Variants in ONECUT3 observed in about 807,000 individuals in gnomAD.
The protein encoded by ONECUT3 is one cut homeobox 3, also known as one cut domain family member 3.
In ONECUT3, 11 loss-of-function variants were observed where a neutral mutation model predicts 16.8. That is an observed-to-expected ratio of 0.66 (90% confidence interval 0.41 to 1.09). ONECUT3 has a LOEUF of 1.09. ONECUT3 is among the 50% of genes least tolerant of loss of function. ONECUT3 has a pLI of 0.00. For missense variants in ONECUT3, 637 were observed against 629.9 expected (o/e 1.01, Z -0.12); for synonymous variants, 344 against 310.7 (o/e 1.11, Z -1.13).
chr19:1,773,226 A>C (rs1600360282), intron 1 of ONECUT3, among the ~76,000 whole-genome samples: 2 of 136,134 alleles, frequency 1.5e-5, no homozygotes, highest in African/African-American at 2.7e-5. Flanking sequence ...TTCCTCCCCC[A>C]CCAAACCATT....
chr19:1,772,860 ATTT>A (rs759006591), intron 1 of ONECUT3, among the ~76,000 whole-genome samples: 14 of 107,210 alleles, frequency 1.3e-4, no homozygotes, highest in African/African-American at 3.5e-4. Flanking sequence ...CGTCCAGCTA[ATTT>A]TTTTTTTTTT....
rs1300302336 is a variant in ONECUT3, at chr19:1,753,891, G to A, written c.229G>A (p.Gly77Ser). The A allele has an allele frequency of 5.1e-6, 5 of 981,154 alleles. No homozygotes were observed. Among genetic ancestry groups the A allele is most frequent in the Middle Eastern group, 5.2e-4 (1 of 1,938 alleles). 60.8% of individuals were successfully genotyped at this position (981,154 alleles called of 1,614,324 possible). The change falls in exon 1 of 2, where the codon GGC becomes AGC. Residue 77 changes from glycine to serine, a missense_variant. Physicochemically the swap from Gly to Ser is moderately conservative, Grantham distance 56. This residue lies in a region of ONECUT3 where 419 missense variants were observed against 377.9 expected (regional missense o/e 1.11). Transcript: ENST00000382349. ...GGGCGGCGCGGGCAGCGCGGGCGGC[G>A]GCGCGGACTTCCGCGGGGAACTGGC... Reference protein sequence around the residue: ...GAGGAGSAGGGADFRGELAGP... With the variant: ...GAGGAGSAGGSADFRGELAGP...
At chr19:1,760,666 G>GC (rs2067941975) in intron 1 of ONECUT3, among the ~76,000 whole-genome samples, 1 of 151,874 alleles carries the variant, frequency 6.6e-6, no homozygotes, top group African/African-American at 2.4e-5. Flanking sequence ...GGTGGGGGGG[G>GC]GCCAGGTCCC....
rs1436210905 is a variant in ONECUT3 at position 1,779,701 on chromosome 19, T to C, written c.*4256T>C. ...GTGGGGGGCGGGGGGCGTGGCCCGG[T>C]TCCGTGTCGCATCTGTGTGTCTGGT... On this transcript the variant is annotated 3_prime_UTR_variant, in exon 2 of 2. Transcript: ENST00000382349. 6.7e-6 allele frequency: 1 copy of C among 149,966 alleles called. No homozygotes were observed. Among genetic ancestry groups the C allele is most frequent in the Non-Finnish European group, 1.5e-5 (1 of 67,410 alleles). 9.3% of individuals were successfully genotyped at this position (149,966 alleles called of 1,614,324 possible). A position where few individuals can be genotyped will look rare whatever the true frequency, so the allele number is the denominator to read the frequency against.
At position 1,755,032 on chromosome 19, in the gene ONECUT3, C is replaced by A. The variant is rs2067909569; in HGVS notation, c.1192+178C>A. 6.6e-6 allele frequency among the ~76,000 whole-genome samples: 1 copy of A among 152,016 alleles called. No individual in the cohort carries two copies. The highest frequency in any genetic ancestry group is 1.5e-5 in the Non-Finnish European group (1 of 67,974). On this transcript the variant is annotated intron_variant, in intron 1 of 1. Transcript: ENST00000382349. The surrounding 1 kb of genome is among the most constrained non-coding windows in gnomAD (Gnocchi z 7.5). ...CGATCCGCGCCGCTGCCCGTTTGTA[C>A]CGTTGCCAAAAGGGAGAAAGGGATT...
At chr19:1,757,133 G>GGA (rs975355740) in intron 1 of ONECUT3, among the ~76,000 whole-genome samples, 4 of 80,192 alleles carry the variant, frequency 5.0e-5, no homozygotes, top group African/African-American at 1.5e-4. Context: ...GAAGTCCCAT[G>GGA]GGGGGGGGGT....
Position 1,753,765 on chromosome 19 carries a change from C to A in ONECUT3, c.103C>A (p.His35Asn). The A allele has an allele frequency of 6.0e-6, 6 of 998,512 alleles. No individual in the cohort carries two copies. The highest frequency in any genetic ancestry group is 7.1e-6 in the Non-Finnish European group (6 of 839,802). The allele number at this position is 998,512 out of a possible 1,614,324, so 61.9% of individuals were successfully genotyped here. ...PGHARSAAAQ[H>N]RGLVAPGRPG... The stretch of plus-strand genomic sequence containing the variant: ...CCACGCGCGCTCGGCGGCGGCGCAG[C>A]ACCGCGGCCTGGTGGCGCCCGGGCG... Residue 35 changes from histidine to asparagine, a missense_variant, in exon 1 of 2, where the codon CAC becomes AAC. By Grantham distance (68) the His-to-Asn change is moderately conservative (BLOSUM62 1). Transcript: ENST00000382349.
chr19:1,774,735 G>C (rs1480189816), intron 1 of ONECUT3, among the ~76,000 whole-genome samples: 2 of 151,372 alleles, frequency 1.3e-5, no homozygotes, highest in East Asian at 2.0e-4. Flanking sequence ...CATGGAGAAG[G>C]GGGCTGGAGG....
At position 1,754,757 on chromosome 19, in the gene ONECUT3, G is replaced by A. The variant is rs754567558; in HGVS notation, c.1095G>A (p.Pro365=). 1 of 1,571,200 alleles carries A rather than the reference G, an allele frequency of 6.4e-7. No individual in the cohort carries two copies. Among genetic ancestry groups the A allele is most frequent in the Non-Finnish European group, 8.6e-7 (1 of 1,161,154 alleles). Residue 365 remains proline (P), a synonymous_variant, in exon 1 of 2, where the codon CCG becomes CCA. Coordinates refer to ENST00000382349, the MANE Select transcript of ONECUT3 (RefSeq NM_001080488.2). The surrounding 1 kb of genome is among the most constrained non-coding windows in gnomAD (Gnocchi z 7.4). ...TLSDLLRNPK[P]WSKLKSGRET... ...CCGACCTGCTGCGCAACCCCAAGCC[G>A]TGGAGCAAGCTCAAATCCGGCCGCG...
Position 1,754,819 on chromosome 19 carries a change from C to T in ONECUT3, c.1157C>T (p.Pro386Leu). 6.5e-7 allele frequency: 1 copy of T among 1,543,030 alleles called. No homozygotes were observed. Among genetic ancestry groups the T allele is most frequent in the Non-Finnish European group, 8.7e-7 (1 of 1,144,468 alleles). ...FRRMWKWLQE[P>L]EFQRMSALRL... Reference sequence around the variant, plus strand: ...AGGATGTGGAAGTGGCTGCAGGAGCCAGAGTTCCAGCGCATGTCGGCGCTG... The same window carrying T: ...AGGATGTGGAAGTGGCTGCAGGAGCTAGAGTTCCAGCGCATGTCGGCGCTG... The change falls in exon 1 of 2, where the codon CCA (proline) becomes CTA (leucine). Residue 386 changes from proline (P) to leucine (L), a missense_variant. Pro to Leu is a moderately conservative substitution (Grantham distance 98). Transcript: ENST00000382349. This position sits in a 1 kb window ranked among gnomAD's most constrained non-coding sequence, Gnocchi z 7.4.
intron 1 of ONECUT3, among the ~76,000 whole-genome samples, chr19:1,772,898 T>C (rs577566813): frequency 1.2e-3 from 176 of 147,752 alleles, no homozygotes; most frequent in Non-Finnish European, 2.1e-3. Flanking sequence ...AGAGACAGGG[T>C]TTCACCGTGT....
chr19:1,774,721 G>C (rs1038951144), intron 1 of ONECUT3, among the ~76,000 whole-genome samples: 4 of 145,776 alleles, frequency 2.7e-5, no homozygotes, highest in Non-Finnish European at 4.5e-5. Flanking sequence ...GCCTGAGTGG[G>C]CTCCATGGAG....
At position 1,754,384 on chromosome 19, in the gene ONECUT3, C is replaced by A; in HGVS notation, c.722C>A (p.Pro241Gln). 2 of 1,101,588 alleles carry A rather than the reference C, an allele frequency of 1.8e-6. No individual in the cohort carries two copies. The highest frequency in any genetic ancestry group is 2.4e-5 in the South Asian group (1 of 42,364). 68.2% of individuals were successfully genotyped at this position (1,101,588 alleles called of 1,614,324 possible). ...PGHLAGDKLL[P>Q]PAAFEPHAAL... is the part of the protein sequence containing the mutation. Reference sequence around the variant, plus strand: ...CACCTGGCTGGGGACAAGCTGCTGCCGCCCGCCGCCTTCGAGCCGCACGCC... The same window carrying A: ...CACCTGGCTGGGGACAAGCTGCTGCAGCCCGCCGCCTTCGAGCCGCACGCC... The change falls in exon 1 of 2, where the codon CCG becomes CAG. Residue 241 changes from proline (P) to glutamine (Q), a missense_variant. This residue lies in a region of ONECUT3 where 419 missense variants were observed against 377.9 expected (regional missense o/e 1.11). Transcript: ENST00000382349. The surrounding 1 kb of genome is among the most constrained non-coding windows in gnomAD (Gnocchi z 7.4).
chr19:1,754,620 G>A lies in ONECUT3; in HGVS notation c.958G>A (p.Glu320Lys). The A allele has an allele frequency of 1.4e-6, 2 of 1,446,006 alleles. No homozygotes were observed. The highest frequency in any genetic ancestry group is 1.8e-6 in the Non-Finnish European group (2 of 1,094,860). The allele number at this position is 1,446,006 out of a possible 1,614,324, so 89.6% of individuals were successfully genotyped here. A position where few individuals can be genotyped will look rare whatever the true frequency, so the allele number is the denominator to read the frequency against. ...GGPSAGAAAEEINTKEVAQRI... is the reference protein window; with the variant it reads ...GGPSAGAAAEKINTKEVAQRI... Reference sequence around the variant, plus strand: ...CCCCAGCGCGGGCGCAGCGGCCGAGGAGATCAACACCAAGGAGGTGGCGCA... The same window carrying A: ...CCCCAGCGCGGGCGCAGCGGCCGAGAAGATCAACACCAAGGAGGTGGCGCA... The change falls in exon 1 of 2, where the codon GAG (glutamate) becomes AAG (lysine). Residue 320 changes from glutamate (E) to lysine (K), a missense_variant. This residue lies in a region of ONECUT3 where 35 missense variants were observed against 63.8 expected (regional missense o/e 0.55). Coordinates refer to ENST00000382349, the MANE Select transcript of ONECUT3 (RefSeq NM_001080488.2). The surrounding 1 kb of genome is among the most constrained non-coding windows in gnomAD (Gnocchi z 7.4).
Position 1,754,841 on chromosome 19 carries a change from G to C in ONECUT3, c.1179G>C (p.Ala393=). 6.6e-7 allele frequency: 1 copy of C among 1,505,868 alleles called. No homozygotes were observed. Among genetic ancestry groups the C allele is most frequent in the South Asian group, 1.3e-5 (1 of 79,374 alleles). 93.3% of individuals were successfully genotyped at this position (1,505,868 alleles called of 1,614,324 possible). ...AGCCAGAGTTCCAGCGCATGTCGGC[G>C]CTGCGCTTGGCAGGTAGGAGCGTGG... is the stretch of plus-strand genomic sequence containing the variant. ...LQEPEFQRMS[A]LRLAACKRKE... is the part of the protein sequence containing the mutation. The change falls in exon 1 of 2, where the codon GCG becomes GCC. Residue 393 remains alanine, a synonymous_variant. Transcript: ENST00000382349. This position sits in a 1 kb window ranked among gnomAD's most constrained non-coding sequence, Gnocchi z 7.4.
rs2067988028 is a variant in ONECUT3 at position 1,766,265 on chromosome 19, G to A, written c.1193-8888G>A. 6.6e-6 allele frequency among the ~76,000 whole-genome samples: 1 copy of A among 152,210 alleles called. No homozygotes were observed. ...GGAAGCCTCAGGCAGCCCCACGCGGGCACACCCGATGGTGGACGGAGGCTG... is the reference window on the plus strand; with the variant it reads ...GGAAGCCTCAGGCAGCCCCACGCGGACACACCCGATGGTGGACGGAGGCTG... On this transcript the variant is annotated intron_variant, in intron 1 of 1. Transcript: ENST00000382349. This position sits in a 1 kb window ranked among gnomAD's most constrained non-coding sequence, Gnocchi z 4.0.
At position 1,754,310 on chromosome 19, in the gene ONECUT3, CCCG is replaced by C. The variant is rs1199722900; in HGVS notation, c.657_659del (p.Pro224del). 1.9e-6 allele frequency: 2 copies of C among 1,053,922 alleles called. No homozygotes were observed. Among genetic ancestry groups the C allele is most frequent in the Admixed American group, 5.7e-5 (1 of 17,628 alleles). The allele number at this position is 1,053,922 out of a possible 1,614,324, so 65.3% of individuals were successfully genotyped here. On this transcript the variant is annotated inframe_deletion, in exon 1 of 2. Transcript: ENST00000382349. This position sits in a 1 kb window ranked among gnomAD's most constrained non-coding sequence, Gnocchi z 7.4. The stretch of plus-strand genomic sequence containing the variant: ...CCGCGCTGCACGGCGCCCCGCAGCC[CCCG>C]CCGCCGCCACCACCCCCGCCGCTGG...
In ONECUT3 at chr19:1,766,959, C is replaced by G. The variant is rs2067997444; in HGVS notation, c.1193-8194C>G. Among the ~76,000 whole-genome samples the G allele has an allele frequency of 6.6e-6, 1 of 151,892 alleles. No individual in the cohort carries two copies. The highest frequency in any genetic ancestry group is 6.5e-5 in the Admixed American group (1 of 15,280). ...GAGGCTAAAAGGAGGAACAGTGGCC[C>G]CTGGGAGTCCCAGAGGAGGGGCCCC... On this transcript the variant is annotated intron_variant, in intron 1 of 1. Coordinates refer to ENST00000382349, the MANE Select transcript of ONECUT3 (RefSeq NM_001080488.2). The surrounding 1 kb of genome is among the most constrained non-coding windows in gnomAD (Gnocchi z 4.0).
chr19:1,777,161 C>T lies in ONECUT3; in HGVS notation c.*1716C>T, dbSNP rs999016068. ...CTTGTCCTTATCGACTTGCTCTGCT[C>T]CCAGCTTTCCAAGCGACCGGATCTG... is the stretch of plus-strand genomic sequence containing the variant. On this transcript the variant is annotated 3_prime_UTR_variant, in exon 2 of 2. Coordinates refer to ENST00000382349, the MANE Select transcript of ONECUT3 (RefSeq NM_001080488.2). 1 of 152,296 alleles carries T rather than the reference C, an allele frequency of 6.6e-6. No individual in the cohort carries two copies. The highest frequency in any genetic ancestry group is 2.4e-5 in the African/African-American group (1 of 41,440). 9.4% of individuals were successfully genotyped at this position (152,296 alleles called of 1,614,324 possible).
Sources: allele counts gnomAD v4.1 joint callset (sites outside exome capture counted in the v4.1 genomes callset), GRCh38; gene constraint gnomAD v4.1.1; regional missense constraint gnomAD v4.1.1; non-coding constraint Gnocchi (gnomAD v3.1); transcripts MANE v1.5; gene names NCBI Gene and HGNC (gene_info 2026-07-23, HGNC 2026-07-21).